The following LHX8 variants were observed in gnomAD, a reference collection of about 807,000 sequenced individuals.
The protein encoded by LHX8 is LIM/homeobox protein Lhx8.
A neutral mutation model predicts 40.3 loss-of-function variants in LHX8; 12 were observed. The observed-to-expected ratio is 0.30, with a 90% CI of 0.19 to 0.48. The LOEUF is 0.48. Among genes scored for constraint, LHX8 ranks in the 20% least tolerant of loss-of-function variants. The pLI, the probability that LHX8 is intolerant of heterozygous loss-of-function variation, is 0.99. For missense variants in LHX8, 344 were observed against 433.7 expected (o/e 0.79, Z 1.84); for synonymous variants, 179 against 162.0 (o/e 1.10, Z -0.80).
intron 7 of LHX8, among the ~76,000 whole-genome samples, chr1:75,151,486 A>G (rs1165330589): frequency 6.6e-6 from 1 of 152,224 alleles, no homozygotes; most frequent in Non-Finnish European, 1.5e-5. Context: ...AGATGGTAAG[A>G]GAAAGAGTAA....
the LHX8 span, among the ~76,000 whole-genome samples, chr1:75,182,311 ATATTTAGCTT>A: frequency 6.6e-6 from 1 of 151,358 alleles, no homozygotes. Context: ...TTGGCTGTAA[ATATTTAGCTT>A]TATTTCTAGG....
At chr1:75,178,658 G>T in the LHX8 span, among the ~76,000 whole-genome samples, 1 of 152,100 alleles carries the variant, frequency 6.6e-6, no homozygotes, top group Non-Finnish European at 1.5e-5. Flanking sequence ...AGGGTTTTCT[G>T]TGTCTCTATC....
the LHX8 span, among the ~76,000 whole-genome samples, chr1:75,170,407 A>G: frequency 3.7e-4 from 57 of 152,144 alleles, no homozygotes; most frequent in African/African-American, 1.3e-3. Flanking sequence ...AAAAGCAAAA[A>G]CAAACACAAA....
chr1:75,159,076 A>C (rs1054203394), intron 8 of LHX8, among the ~76,000 whole-genome samples: 1 of 152,096 alleles, frequency 6.6e-6, no homozygotes, highest in African/African-American at 2.4e-5. Flanking sequence ...GTTTATCTCT[A>C]AGTATTTCTT....
chr1:75,148,470 A>G, intron 6 of LHX8, 117 bp from the exon 7 acceptor site: 2 of 748,484 alleles, frequency 2.7e-6, no homozygotes, highest in Non-Finnish European at 4.8e-6. Context: ...ACCGATTTTC[A>G]AGTAACAAAA....
the LHX8 span, among the ~76,000 whole-genome samples, chr1:75,175,463 A>G: frequency 6.6e-6 from 1 of 152,118 alleles, no homozygotes; most frequent in African/African-American, 2.4e-5. Context: ...ATCCATGACA[A>G]TATGTGTTTA....
Position 75,156,879 on chromosome 1 carries a change from T to C in LHX8, c.781-14T>C. ...TGTAACCTACCTACTTCTGTTGCTT[T>C]TCTCCCTGCTCAGGTGTGGTTTCAG... On this transcript the variant is annotated splice_polypyrimidine_tract_variant and intron_variant, in intron 7 of 8. Coordinates refer to ENST00000356261, the MANE Select transcript of LHX8 (RefSeq NM_001256114.2). 1.2e-6 allele frequency: 2 copies of C among 1,614,150 alleles called. No individual in the cohort carries two copies. Among genetic ancestry groups the C allele is most frequent in the South Asian group, 2.2e-5 (2 of 91,086 alleles).
At chr1:75,129,439 CT>C (rs959620371), upstream of LHX8, among the ~76,000 whole-genome samples, 9 of 151,820 alleles carry the variant, frequency 5.9e-5, no homozygotes, top group African/African-American at 9.7e-5. Flanking sequence ...CTTGGGCCAA[CT>C]TTTTTTTTGT....
the LHX8 span, among the ~76,000 whole-genome samples, chr1:75,179,861 A>T: frequency 1.7e-4 from 26 of 152,226 alleles, no homozygotes; most frequent in East Asian, 4.8e-3. Flanking sequence ...TGCTTCCTTC[A>T]GGAGCTCTTG....
chr1:75,140,664 A>G (rs72989261), intron 3 of LHX8, among the ~76,000 whole-genome samples: 2,728 of 152,302 alleles, frequency 0.018, 80 homozygotes, highest in African/African-American at 0.058. Context: ...TAAAGTAACC[A>G]AACTATTCCC....
downstream of LHX8, among the ~76,000 whole-genome samples, chr1:75,165,980 G>A: frequency 6.6e-6 from 1 of 152,144 alleles, no homozygotes; most frequent in Non-Finnish European, 1.5e-5. Context: ...ACAGTAAAAG[G>A]AAAGTTTTTA....
intron 6 of LHX8, among the ~76,000 whole-genome samples, chr1:75,147,338 G>T (rs1035719800): frequency 1.3e-5 from 2 of 151,952 alleles, no homozygotes; most frequent in South Asian, 4.2e-4. Context: ...TCCTTACATT[G>T]CCAAGTTTTA....
chr1:75,194,300 C>T, the LHX8 span, among the ~76,000 whole-genome samples: 2 of 152,096 alleles, frequency 1.3e-5, no homozygotes, highest in Admixed American at 1.3e-4. Context: ...CCTGGAGGTC[C>T]CTGCCATCTG....
chr1:75,133,111 C>T (rs1225757262), upstream of LHX8: 3 of 152,198 alleles, frequency 2.0e-5, no homozygotes, highest in East Asian at 1.9e-4. Context: ...TCCCTTCGCT[C>T]AGTAAATTTA....
At chr1:75,162,272 G>A (rs1416236187), downstream of LHX8, among the ~76,000 whole-genome samples, 1 of 151,124 alleles carries the variant, frequency 6.6e-6, no homozygotes, top group Non-Finnish European at 1.5e-5. Context: ...TTTTAAACCG[G>A]CTACTCTATT....
At chr1:75,165,545 A>G (rs1649014054), downstream of LHX8, among the ~76,000 whole-genome samples, 1 of 152,122 alleles carries the variant, frequency 6.6e-6, no homozygotes, top group Non-Finnish European at 1.5e-5. Flanking sequence ...GAGTTTAGGG[A>G]TGGACTGTGT....
At chr1:75,163,996 A>G (rs1648982476), downstream of LHX8, among the ~76,000 whole-genome samples, 1 of 152,052 alleles carries the variant, frequency 6.6e-6, no homozygotes, top group African/African-American at 2.4e-5. Context: ...CTTGTTCACT[A>G]CCTCCAGAAC....
chr1:75,161,986 G>T (rs961801410), downstream of LHX8, among the ~76,000 whole-genome samples: 4 of 152,066 alleles, frequency 2.6e-5, no homozygotes, highest in East Asian at 1.9e-4. Flanking sequence ...TGAATTTAAA[G>T]AATTTAGTAC....
chr1:75,142,700 A>G (rs1382354222), intron 4 of LHX8, among the ~76,000 whole-genome samples: 1 of 152,170 alleles, frequency 6.6e-6, no homozygotes, highest in Non-Finnish European at 1.5e-5. Context: ...AGAAGTCATT[A>G]TTTATATCTT....
Sources: gnomAD v4.1 joint callset for allele counts (sites outside exome capture counted in the v4.1 genomes callset) on GRCh38, gnomAD v4.1.1 for gene constraint, MANE v1.5 for transcripts, NCBI Gene and HGNC (gene_info 2026-07-23, HGNC 2026-07-21) for gene names.